Variants in SAMD5 observed in about 807,000 individuals in gnomAD.
SAMD5 encodes sterile alpha motif domain containing 5, also known as sterile alpha motif domain-containing protein 5.
In SAMD5, 13 loss-of-function variants were observed where a neutral mutation model predicts 11.3. The ratio of observed to expected loss-of-function variants is 1.15; its 90% CI spans 0.75 to 1.83. The LOEUF is 1.83. Ranked by LOEUF, SAMD5 falls within the 40% of genes most tolerant of loss-of-function variation. The pLI is 0.00. For missense variants in SAMD5, 255 were observed against 239.1 expected (o/e 1.07, Z -0.44); for synonymous variants, 129 against 111.3 (o/e 1.16, Z -1.00).
At chr6:147,949,901 G>A in the SAMD5 span, among the ~76,000 whole-genome samples, 1 of 152,158 alleles carries the variant, frequency 6.6e-6, no homozygotes, top group Non-Finnish European at 1.5e-5. Flanking sequence ...TTGTAGAATT[G>A]GACTGAATTA....
intron 1 of SAMD5, among the ~76,000 whole-genome samples, chr6:147,677,727 C>A (rs182406075): frequency 6.6e-6 from 1 of 151,960 alleles, no homozygotes; most frequent in East Asian, 1.9e-4. Flanking sequence ...CATGGGACAT[C>A]GGCACTGTAA....
At chr6:147,937,775 A>G in the SAMD5 span, among the ~76,000 whole-genome samples, 1 of 152,230 alleles carries the variant, frequency 6.6e-6, no homozygotes, top group African/African-American at 2.4e-5. Flanking sequence ...AATTCGCACC[A>G]TAGATTTAAG....
At chr6:147,748,296 G>A in the SAMD5 span, among the ~76,000 whole-genome samples, 1 of 152,174 alleles carries the variant, frequency 6.6e-6, no homozygotes, top group African/African-American at 2.4e-5. Flanking sequence ...TCGTTCAGGA[G>A]CACAGGTCAT....
chr6:147,941,832 T>TTG, the SAMD5 span, among the ~76,000 whole-genome samples: 3 of 148,008 alleles, frequency 2.0e-5, no homozygotes, highest in African/African-American at 5.0e-5. Flanking sequence ...CAAACTAAAA[T>TTG]TGTGTGTGTG....
chr6:147,757,220 T>C, the SAMD5 span, among the ~76,000 whole-genome samples: 2 of 152,228 alleles, frequency 1.3e-5, no homozygotes, highest in Non-Finnish European at 2.9e-5. Flanking sequence ...GCAGTCATCA[T>C]TGATCTACAA....
At chr6:147,522,044 G>A (rs865841762) in intron 1 of SAMD5, among the ~76,000 whole-genome samples, 5 of 151,790 alleles carry the variant, frequency 3.3e-5, no homozygotes, top group African/African-American at 9.7e-5. Flanking sequence ...TAATGTTTTT[G>A]TTTCATTTTT....
intron 1 of SAMD5, among the ~76,000 whole-genome samples, chr6:147,639,483 C>T (rs990662227): frequency 6.6e-6 from 1 of 152,218 alleles, no homozygotes; most frequent in East Asian, 1.9e-4. Flanking sequence ...ACTGTAGCTG[C>T]AGCTCTGGGG....
chr6:147,509,150 C>T lies in SAMD5; in HGVS notation c.222C>T (p.Phe74=), dbSNP rs752929894. The stretch of plus-strand genomic sequence containing the variant: ...ACGCCAACGCCGCCGGCCTCTACTT[C>T]ACGCTTGAGCCGCAGCCGGCGCCCC... ...EQDANAAGLY[F]TLEPQPAPPG... Residue 74 remains phenylalanine, a synonymous_variant, in exon 1 of 2, where the codon TTC becomes TTT. Coordinates refer to ENST00000367474, the MANE Select transcript of SAMD5 (RefSeq NM_001030060.3). 3.5e-6 allele frequency: 5 copies of T among 1,434,070 alleles called. No homozygotes were observed. Among genetic ancestry groups the T allele is most frequent in the Middle Eastern group, 4.2e-4 (2 of 4,772 alleles). 88.8% of individuals were successfully genotyped at this position (1,434,070 alleles called of 1,614,324 possible). A position where few individuals can be genotyped will look rare whatever the true frequency, so the allele number is the denominator to read the frequency against.
the SAMD5 span, among the ~76,000 whole-genome samples, chr6:147,782,281 C>A: frequency 6.6e-6 from 1 of 152,176 alleles, no homozygotes; most frequent in Non-Finnish European, 1.5e-5. Context: ...AAAGCTCCAA[C>A]ACTTCCTGTC....
chr6:147,558,339 G>A (rs950527382), intron 1 of SAMD5, among the ~76,000 whole-genome samples: 1 of 152,146 alleles, frequency 6.6e-6, no homozygotes, highest in African/African-American at 2.4e-5. Context: ...TTAACGAACT[G>A]CAGTAGAGGC....
At position 147,566,426 on chromosome 6, in the gene SAMD5, T is replaced by A; in HGVS notation, c.*1970T>A. ...TCCTGTTTGACCTCATTTCCAGGTG[T>A]CGCATCCGTGGCTGATTTATTTCAC... On this transcript the variant is annotated 3_prime_UTR_variant, in exon 2 of 2. Coordinates refer to ENST00000367474, the MANE Select transcript of SAMD5 (RefSeq NM_001030060.3). 3 of 985,152 alleles carry A rather than the reference T, an allele frequency of 3.0e-6. No homozygotes were observed. Among genetic ancestry groups the A allele is most frequent in the Non-Finnish European group, 3.6e-6 (3 of 829,284 alleles). The allele number at this position is 985,152 out of a possible 1,614,324, so 61.0% of individuals were successfully genotyped here. A position where few individuals can be genotyped will look rare whatever the true frequency, so the allele number is the denominator to read the frequency against.
At chr6:147,884,350 C>T in the SAMD5 span, among the ~76,000 whole-genome samples, 1 of 152,116 alleles carries the variant, frequency 6.6e-6, no homozygotes, top group Non-Finnish European at 1.5e-5. Context: ...AGGTAGAGAG[C>T]TAAGGCAGCC....
intron 1 of SAMD5, among the ~76,000 whole-genome samples, chr6:147,532,425 G>C (rs191657919): frequency 6.2e-4 from 95 of 152,230 alleles, no homozygotes; most frequent in African/African-American, 2.2e-3. Flanking sequence ...ACTTCACTTG[G>C]AATAATGACC....
chr6:147,636,344 T>C (rs1219419315), intron 1 of SAMD5, among the ~76,000 whole-genome samples: 1 of 152,150 alleles, frequency 6.6e-6, no homozygotes, highest in African/African-American at 2.4e-5. Flanking sequence ...TTTGTAAGTT[T>C]TACTATCCTA....
chr6:147,787,276 G>A, the SAMD5 span, among the ~76,000 whole-genome samples: 1 of 152,134 alleles, frequency 6.6e-6, no homozygotes, highest in African/African-American at 2.4e-5. Context: ...TGTCCTCCAT[G>A]ATGGAGCAGG....
the SAMD5 span, among the ~76,000 whole-genome samples, chr6:147,773,724 G>A: frequency 2.6e-5 from 4 of 151,974 alleles, no homozygotes; most frequent in South Asian, 2.1e-4. Context: ...ATGCCCCACC[G>A]CCCAATAGCA....
At chr6:147,877,940 T>TTTTTTTTTCTTTTTG in the SAMD5 span, among the ~76,000 whole-genome samples, 13 of 99,238 alleles carry the variant, frequency 1.3e-4, no homozygotes, top group South Asian at 6.2e-4. Flanking sequence ...GATAGATAGA[T>TTTTTTTTTCTTTTTG]AGATAGACTC....
At chr6:147,888,213 A>C in the SAMD5 span, among the ~76,000 whole-genome samples, 1 of 152,046 alleles carries the variant, frequency 6.6e-6, no homozygotes, top group South Asian at 2.1e-4. Flanking sequence ...TGTCTAGGAA[A>C]ACATTGCCTC....
At chr6:147,867,866 A>AAAAC in the SAMD5 span, among the ~76,000 whole-genome samples, 1 of 152,200 alleles carries the variant, frequency 6.6e-6, no homozygotes, top group African/African-American at 2.4e-5. Flanking sequence ...CCTTATTGCT[A>AAAAC]AAACAAACAA....
Sources: gnomAD v4.1 joint callset for allele counts (sites outside exome capture counted in the v4.1 genomes callset) on GRCh38, gnomAD v4.1.1 for gene constraint, MANE v1.5 for transcripts, NCBI Gene and HGNC (gene_info 2026-07-23, HGNC 2026-07-21) for gene names.